The following COX7A1 variants were observed in gnomAD, a reference collection of about 807,000 sequenced individuals.
COX7A1 encodes cytochrome c oxidase subunit 7A1.
In COX7A1, 21 loss-of-function variants were observed where a neutral mutation model predicts 13.2. The observed-to-expected ratio is 1.59, with a 90% CI of 1.13 to 2.29. COX7A1 has a LOEUF of 2.29. COX7A1 is among the 30% of genes most tolerant of loss of function. COX7A1 has a pLI of 0.00. For synonymous variants in COX7A1, 41 were observed against 41.9 expected, an observed-to-expected ratio of 0.98 and a Z score of 0.08; for missense variants, 107 against 100.0, an observed-to-expected ratio of 1.07 and a Z score of -0.30.
Position 36,151,650 on chromosome 19 carries a change from A to ACC in COX7A1, c.102+17_102+18dup. 2.8e-6 allele frequency: 3 copies of ACC among 1,078,296 alleles called. No individual in the cohort carries two copies. Among genetic ancestry groups the ACC allele is most frequent in the Non-Finnish European group, 3.9e-6 (3 of 775,870 alleles). 66.8% of individuals were successfully genotyped at this position (1,078,296 alleles called of 1,614,324 possible). On this transcript the variant is annotated intron_variant, in intron 2 of 3. Coordinates refer to ENST00000292907, the MANE Select transcript of COX7A1 (RefSeq NM_001864.4). ...CTCCCGGCTGGCGCGTCGGATCCCC[A>ACC]CCCCCCCCGACCCCCCACCTGGAAG...
At position 36,150,968 on chromosome 19, in the gene COX7A1, C is replaced by T. The variant is rs1276823298; in HGVS notation, c.*14G>A. 2 of 1,613,738 alleles carry T rather than the reference C, an allele frequency of 1.2e-6. No homozygotes were observed. The highest frequency in any genetic ancestry group is 1.7e-6 in the Non-Finnish European group (2 of 1,179,654). On this transcript the variant is annotated 3_prime_UTR_variant, in exon 4 of 4. Transcript: ENST00000292907. ...ACTTGTTCAAGTCTCTCAGGCCCCCCAGGCTTCTTGGTCTTAATTCCTGGG... is the reference window on the plus strand; with the variant it reads ...ACTTGTTCAAGTCTCTCAGGCCCCCTAGGCTTCTTGGTCTTAATTCCTGGG...
rs1042123290 is a variant in COX7A1, at chr19:36,151,759, C to A, written c.16-4G>T. ...AGCGGATCAGCGCCTGGGACACCTG[C>A]GGGGTGGGAGGTGGGCGGGTATTGG... On this transcript the variant is annotated splice_polypyrimidine_tract_variant and splice_region_variant and intron_variant, in intron 1 of 3. Coordinates refer to ENST00000292907, the MANE Select transcript of COX7A1 (RefSeq NM_001864.4). 3 of 1,594,400 alleles carry A rather than the reference C, an allele frequency of 1.9e-6. No homozygotes were observed. Among genetic ancestry groups the A allele is most frequent in the Non-Finnish European group, 2.6e-6 (3 of 1,171,006 alleles).
intron 1 of COX7A1, 97 bp downstream of exon 1, chr19:36,152,296 C>A (rs1197519491): frequency 2.2e-6 from 2 of 916,668 alleles, no homozygotes; most frequent in Non-Finnish European, 3.0e-6. Context: ...AGGTGGCTCA[C>A]GTTCCAAGGC....
At chr19:36,151,645 T>TCCCCCCCGGGGC in intron 2 of COX7A1, 24 bp downstream of exon 2, 1 of 1,387,632 alleles carries the variant, frequency 7.2e-7, no homozygotes, top group Non-Finnish European at 9.9e-7. Flanking sequence ...GCGCGTCGGA[T>TCCCCCCCGGGGC]CCCCACCCCC....
At chr19:36,151,151 CT>C in intron 3 of COX7A1, 117 bp from the exon 4 acceptor site, 2 of 1,053,448 alleles carry the variant, frequency 1.9e-6, no homozygotes, top group Non-Finnish European at 2.8e-6. Flanking sequence ...CTAGTTCGGA[CT>C]CCAGCTCCCT....
intron 3 of COX7A1, 98 bp downstream of exon 3, chr19:36,151,364 C>A: frequency 7.3e-7 from 1 of 1,373,462 alleles, no homozygotes. Context: ...ACGCCAACCC[C>A]CAACCCAGAT....
Position 36,151,669 on chromosome 19 carries a change from C to CCCCCCGGGGGGGGGGGG in COX7A1, c.101_102insCCCCCCCCCCCCGGGGG (p.Gln34HisfsTer16). On this transcript the variant is annotated frameshift_variant and splice_region_variant, in exon 2 of 4. Coordinates refer to ENST00000292907, the MANE Select transcript of COX7A1 (RefSeq NM_001864.4). LOFTEE classifies it high-confidence loss of function. Reference sequence around the variant, plus strand: ...ATCCCCACCCCCCCCGACCCCCCACCTGGAAGAGCTTCTGTTTCTCGCGCA... The same window carrying CCCCCCGGGGGGGGGGGG: ...ATCCCCACCCCCCCCGACCCCCCACCCCCCCGGGGGGGGGGGGTGGAAGAGCTTCTGTTTCTCGCGCA... 6.3e-7 allele frequency: 1 copy of CCCCCCGGGGGGGGGGGG among 1,591,930 alleles called. No individual in the cohort carries two copies. The highest frequency in any genetic ancestry group is 1.3e-5 in the African/African-American group (1 of 74,470).
chr19:36,151,147 C>G (rs1019194149), intron 3 of COX7A1, 113 bp from the exon 4 acceptor site: 4 of 1,094,652 alleles, frequency 3.7e-6, no homozygotes, highest in Admixed American at 2.3e-5. Flanking sequence ...AGCTCTAGTT[C>G]GGACTCCAGC....
rs1568398814 is a variant in COX7A1, at chr19:36,151,677, G to A, written c.94C>T (p.Leu32Phe). 1 of 1,216,550 alleles carries A rather than the reference G, an allele frequency of 8.2e-7. No individual in the cohort carries two copies. Among genetic ancestry groups the A allele is most frequent in the Non-Finnish European group, 1.2e-6 (1 of 868,612 alleles). The allele number at this position is 1,216,550 out of a possible 1,614,324, so 75.4% of individuals were successfully genotyped here. A position where few individuals can be genotyped will look rare whatever the true frequency, so the allele number is the denominator to read the frequency against. The change falls in exon 2 of 4, where the codon CTC becomes TTC. Residue 32 changes from leucine (L) to phenylalanine (F), a missense_variant. Physicochemically the swap from Leu to Phe is conservative, Grantham distance 22. Coordinates refer to ENST00000292907, the MANE Select transcript of COX7A1 (RefSeq NM_001864.4). ...FQNRVREKQK[L>F]FQEDNDIPLY... ...CCCCCCCGACCCCCCACCTGGAAGA[G>A]CTTCTGTTTCTCGCGCACTCGGTTC...
Position 36,152,429 on chromosome 19 carries a change from G to T in COX7A1, c.-22C>A. On this transcript the variant is annotated 5_prime_UTR_variant, in exon 1 of 4. Coordinates refer to ENST00000292907, the MANE Select transcript of COX7A1 (RefSeq NM_001864.4). ...GCATTCTGCCTTGTCCTCTTCCGCC[G>T]GAGTCACCTCCCTTCTCCGCCCAAG... 7.4e-7 allele frequency: 1 copy of T among 1,347,548 alleles called. No homozygotes were observed. Among genetic ancestry groups the T allele is most frequent in the Non-Finnish European group, 9.6e-7 (1 of 1,037,002 alleles). 83.5% of individuals were successfully genotyped at this position (1,347,548 alleles called of 1,614,324 possible).
intron 3 of COX7A1, 40 bp from the exon 4 acceptor site, chr19:36,151,074 C>T: frequency 6.3e-7 from 1 of 1,598,106 alleles, no homozygotes; most frequent in Non-Finnish European, 8.5e-7. Flanking sequence ...GAGACCTAAT[C>T]CCCTCCCTGG....
chr19:36,151,668 C>CCCTGGGAGAGCTT lies in COX7A1; in HGVS notation c.102_102+1insAAGCTCTCCCAGG (p.Glu35LysfsTer8). On this transcript the variant is annotated frameshift_variant and splice_region_variant. Transcript: ENST00000292907. LOFTEE classifies it high-confidence loss of function. ...GATCCCCACCCCCCCCGACCCCCCA[C>CCCTGGGAGAGCTT]CTGGAAGAGCTTCTGTTTCTCGCGC... is the stretch of plus-strand genomic sequence containing the variant. The CCCTGGGAGAGCTT allele has an allele frequency of 6.3e-7, 1 of 1,582,672 alleles. No homozygotes were observed. The highest frequency in any genetic ancestry group is 8.6e-7 in the Non-Finnish European group (1 of 1,165,692).
chr19:36,151,341 A>C, intron 3 of COX7A1, 121 bp downstream of exon 3: 1 of 1,013,182 alleles, frequency 9.9e-7, no homozygotes, highest in Non-Finnish European at 1.5e-6. Context: ...TCAGTACTCG[A>C]CCCCCTTCCT....
Position 36,152,395 on chromosome 19 carries a change from G to C in COX7A1, c.13C>G (p.Arg5Gly). The change falls in exon 1 of 4, where the codon CGG (arginine) becomes GGG (glycine). Residue 5 changes from arginine (R) to glycine (G), a missense_variant and splice_region_variant. By Grantham distance (125) the Arg-to-Gly change is moderately radical (BLOSUM62 -2). Coordinates refer to ENST00000292907, the MANE Select transcript of COX7A1 (RefSeq NM_001864.4). The part of the protein sequence containing the change: MQAL[R>G]VSQALIRSFS... The stretch of plus-strand genomic sequence containing the variant: ...GGCCCAGCCCATGGGGGCCTCACCC[G>C]AAGGGCCTGCATTCTGCCTTGTCCT... 7.3e-7 allele frequency: 1 copy of C among 1,367,782 alleles called. No individual in the cohort carries two copies. The highest frequency in any genetic ancestry group is 2.1e-5 in the South Asian group (1 of 48,416). The allele number at this position is 1,367,782 out of a possible 1,614,324, so 84.7% of individuals were successfully genotyped here. A position where few individuals can be genotyped will look rare whatever the true frequency, so the allele number is the denominator to read the frequency against.
chr19:36,152,429 G>A lies in COX7A1; in HGVS notation c.-22C>T. 1 of 1,347,554 alleles carries A rather than the reference G, an allele frequency of 7.4e-7. No homozygotes were observed. Among genetic ancestry groups the A allele is most frequent in the Non-Finnish European group, 9.6e-7 (1 of 1,037,002 alleles). 83.5% of individuals were successfully genotyped at this position (1,347,554 alleles called of 1,614,324 possible). The stretch of plus-strand genomic sequence containing the variant: ...GCATTCTGCCTTGTCCTCTTCCGCC[G>A]GAGTCACCTCCCTTCTCCGCCCAAG... On this transcript the variant is annotated 5_prime_UTR_variant, in exon 1 of 4. Coordinates refer to ENST00000292907, the MANE Select transcript of COX7A1 (RefSeq NM_001864.4).
chr19:36,152,309 T>A, intron 1 of COX7A1, 84 bp downstream of exon 1: 1 of 1,046,522 alleles, frequency 9.6e-7, no homozygotes, highest in Admixed American at 3.8e-5. Flanking sequence ...TCCAAGGCCC[T>A]AGATGCGGGG....
intron 2 of COX7A1, 48 bp downstream of exon 2, chr19:36,151,621 C>T (rs752457786): frequency 3.7e-6 from 6 of 1,609,802 alleles, no homozygotes; most frequent in South Asian, 2.2e-5. Flanking sequence ...CCCGGCTCGG[C>T]GCGCTCCCGG....
At chr19:36,151,645 T>TGGCCC in intron 2 of COX7A1, 24 bp downstream of exon 2, 69 of 1,387,444 alleles carry the variant, frequency 5.0e-5, no homozygotes, top group Non-Finnish European at 6.5e-5. Flanking sequence ...GCGCGTCGGA[T>TGGCCC]CCCCACCCCC....
At chr19:36,151,862 G>A in intron 1 of COX7A1, 107 bp from the exon 2 acceptor site, 1 of 1,010,968 alleles carries the variant, frequency 9.9e-7, no homozygotes, top group Non-Finnish European at 1.5e-6. Context: ...TCCCTAGCGA[G>A]CGTCCCAAAG....
Sources: allele counts gnomAD v4.1 joint callset, GRCh38; gene constraint gnomAD v4.1.1; transcripts MANE v1.5; gene names NCBI Gene and HGNC (gene_info 2026-07-23, HGNC 2026-07-21).